CDH8: variants seen among roughly 807,000 people sequenced by gnomAD.
CDH8 encodes cadherin 8, also known as cadherin-8.
Under a neutral mutation model 68.1 loss-of-function variants are expected in CDH8, and 17 were observed. The ratio of observed to expected loss-of-function variants is 0.25; its 90% confidence interval spans 0.17 to 0.37. The LOEUF (loss-of-function observed/expected upper bound fraction) is 0.37, where lower values mean the gene tolerates loss of function less well. Among genes scored for constraint, CDH8 ranks in the 10% least tolerant of loss-of-function variants. The probability of loss-of-function intolerance (pLI) is 1.00; values close to 1 mark genes in which losing one functional copy is unlikely to be tolerated. For synonymous variants in CDH8, 372 were observed against 365.1 expected (o/e 1.02, Z -0.21); for missense variants, 763 against 999.3 (o/e 0.76, Z 3.19).
At chr16:61,933,354 C>T (rs868189751) in intron 2 of CDH8, among the ~76,000 whole-genome samples, 1 of 152,080 alleles carries the variant, frequency 6.6e-6, no homozygotes, top group African/African-American at 2.4e-5. Flanking sequence ...TATTATGCTG[C>T]GGGCATAGAT....
At chr16:61,760,373 G>A (rs188964212) in intron 8 of CDH8, among the ~76,000 whole-genome samples, 8 of 151,436 alleles carry the variant, frequency 5.3e-5, no homozygotes, top group African/African-American at 9.7e-5. Flanking sequence ...GTGCAGTGGC[G>A]CAATCTCGGG....
rs1275665793 is a variant in CDH8 at position 61,652,250 on chromosome 16, T to A, written c.*1358A>T. On this transcript the variant is annotated 3_prime_UTR_variant, in exon 12 of 12. Coordinates refer to ENST00000577390, the MANE Select transcript of CDH8 (RefSeq NM_001796.5). ...TTTGGAGTCTAAGACATTCTGTGCATCACCATGAAGATCAGGGATAGGAGT... is the reference window on the plus strand; with the variant it reads ...TTTGGAGTCTAAGACATTCTGTGCAACACCATGAAGATCAGGGATAGGAGT... 1.2e-5 allele frequency: 12 copies of A among 984,614 alleles called. No individual in the cohort carries two copies. The highest frequency in any genetic ancestry group is 1.3e-5 in the Non-Finnish European group (11 of 829,242). 61.0% of individuals were successfully genotyped at this position (984,614 alleles called of 1,614,324 possible). A position where few individuals can be genotyped will look rare whatever the true frequency, so the allele number is the denominator to read the frequency against.
intron 3 of CDH8, among the ~76,000 whole-genome samples, chr16:61,887,761 G>A (rs775943792): frequency 6.6e-6 from 1 of 151,918 alleles, no homozygotes. Context: ...CAAACCCACT[G>A]TATTTACATT....
At chr16:61,709,206 G>T (rs1964584757) in intron 10 of CDH8, among the ~76,000 whole-genome samples, 1 of 151,988 alleles carries the variant, frequency 6.6e-6, no homozygotes, top group Admixed American at 6.6e-5. Flanking sequence ...CAGAACTTAA[G>T]GAAGACTCAG....
chr16:61,832,345 T>C (rs759489540), intron 4 of CDH8, among the ~76,000 whole-genome samples: 1 of 147,222 alleles, frequency 6.8e-6, no homozygotes, highest in African/African-American at 2.6e-5. Flanking sequence ...GATAGATAGA[T>C]AGATAGATAG....
At position 61,960,411 on chromosome 16, in the gene CDH8, A is replaced by ATG. The variant is rs1215254936; in HGVS notation, c.253-58940_253-58939dup. ...TGTATACACATACATATATACATATATGTGTGTGTGTATACACATACATAT... is the reference window on the plus strand; with the variant it reads ...TGTATACACATACATATATACATATATGTGTGTGTGTGTATACACATACATAT... On this transcript the variant is annotated intron_variant, in intron 2 of 11. Coordinates refer to ENST00000577390, the MANE Select transcript of CDH8 (RefSeq NM_001796.5). 2.5e-5 allele frequency among the ~76,000 whole-genome samples: 2 copies of ATG among 80,626 alleles called. 1 individual carries two copies. Among genetic ancestry groups the ATG allele is most frequent in the Non-Finnish European group, 4.8e-5 (2 of 41,380 alleles). 52.9% of individuals were successfully genotyped at this position (80,626 alleles called of 152,430 possible). A position where few individuals can be genotyped will look rare whatever the true frequency, so the allele number is the denominator to read the frequency against.
At chr16:61,741,914 T>C (rs572167370) in intron 8 of CDH8, among the ~76,000 whole-genome samples, 2 of 152,226 alleles carry the variant, frequency 1.3e-5, no homozygotes, top group East Asian at 1.9e-4. Context: ...CACAGAAATT[T>C]TGGAATGTAT....
intron 9 of CDH8, chr16:61,725,386 G>A: frequency 6.6e-6 from 1 of 150,810 alleles, no homozygotes; most frequent in East Asian, 2.0e-4. Context: ...AGCCAATGTT[G>A]AGTTTTTGAA....
intron 3 of CDH8, among the ~76,000 whole-genome samples, chr16:61,858,151 G>C (rs1963082434): frequency 6.6e-6 from 1 of 152,008 alleles, no homozygotes; most frequent in African/African-American, 2.4e-5. Flanking sequence ...GGAATAAGAG[G>C]AGGAAGGGTC....
At chr16:62,034,504 C>G (rs1463198793) in intron 1 of CDH8, among the ~76,000 whole-genome samples, 3 of 152,042 alleles carry the variant, frequency 2.0e-5, no homozygotes, top group African/African-American at 4.8e-5. Flanking sequence ...AGAGAACAGG[C>G]GCTTCAAAAG....
In CDH8 at chr16:61,700,278, G is replaced by T. The variant is rs866522479; in HGVS notation, c.1654+13563C>A. ...TCATATATTAGATCTATTTTTAGTT[G>T]TTTTTTTTTTTTTTTCTTTTGAGAC... On this transcript the variant is annotated intron_variant, in intron 10 of 11. Coordinates refer to ENST00000577390, the MANE Select transcript of CDH8 (RefSeq NM_001796.5). Among the ~76,000 whole-genome samples the T allele has an allele frequency of 5.5e-3, 753 of 136,514 alleles. 3 individuals carry two copies. Among genetic ancestry groups the T allele is most frequent in the Non-Finnish European group, 8.5e-3 (536 of 63,024 alleles). 89.6% of individuals were successfully genotyped at this position (136,514 alleles called of 152,430 possible).
chr16:61,724,559 T>C (rs149926684), intron 9 of CDH8, among the ~76,000 whole-genome samples: 60 of 150,828 alleles, frequency 4.0e-4, no homozygotes, highest in African/African-American at 1.4e-3. Flanking sequence ...CCCAGGAAGC[T>C]GATCCCCTGA....
chr16:61,740,016 TC>T (rs1959821830), intron 8 of CDH8, among the ~76,000 whole-genome samples: 1 of 150,988 alleles, frequency 6.6e-6, no homozygotes, highest in Non-Finnish European at 1.5e-5. Context: ...CAAGTGATTC[TC>T]CCGCCTCAGC....
chr16:61,948,722 C>G (rs964760820), intron 2 of CDH8, among the ~76,000 whole-genome samples: 2 of 152,080 alleles, frequency 1.3e-5, no homozygotes, highest in Admixed American at 1.3e-4. Flanking sequence ...ATGCTAAAGA[C>G]GAGAGTATAT....
chr16:61,801,299 C>G (rs768258921), intron 7 of CDH8, among the ~76,000 whole-genome samples: 6 of 152,192 alleles, frequency 3.9e-5, no homozygotes, highest in Admixed American at 1.3e-4. Context: ...GGCAACTTAA[C>G]TTGCCACTAT....
rs573263765 is a variant in CDH8, at chr16:61,933,244, T to A, written c.253-31771A>T. Reference sequence around the variant, plus strand: ...AAGAGAATCAATATTATTCGAAGTGTTTCAGAAATTAGAGTAAGTCCAGTA... The same window carrying A: ...AAGAGAATCAATATTATTCGAAGTGATTCAGAAATTAGAGTAAGTCCAGTA... On this transcript the variant is annotated intron_variant, in intron 2 of 11. Coordinates refer to ENST00000577390, the MANE Select transcript of CDH8 (RefSeq NM_001796.5). Among the ~76,000 whole-genome samples, 5 of 152,320 alleles carry A rather than the reference T, an allele frequency of 3.3e-5. No homozygotes were observed. In the East Asian group the frequency reaches 9.7e-4, roughly 29 times the overall value.
At chr16:61,884,981 A>G (rs1273428768) in intron 3 of CDH8, among the ~76,000 whole-genome samples, 2 of 152,182 alleles carry the variant, frequency 1.3e-5, no homozygotes, top group African/African-American at 2.4e-5. Flanking sequence ...CAGAAGGAAA[A>G]AAAAGGAGGG....
chr16:62,001,778 G>C (rs549234396), intron 2 of CDH8, among the ~76,000 whole-genome samples: 1 of 152,024 alleles, frequency 6.6e-6, no homozygotes, highest in African/African-American at 2.4e-5. Context: ...CCATTAACTC[G>C]TCATTTAACA....
intron 8 of CDH8, among the ~76,000 whole-genome samples, chr16:61,775,794 A>G (rs927204434): frequency 6.6e-6 from 1 of 152,110 alleles, no homozygotes; most frequent in African/African-American, 2.4e-5. Flanking sequence ...ATATGGTCCC[A>G]TATAAGCCAT....
Sources: allele counts gnomAD v4.1 joint callset (sites outside exome capture counted in the v4.1 genomes callset), GRCh38; gene constraint gnomAD v4.1.1; transcripts MANE v1.5; gene names NCBI Gene and HGNC (gene_info 2026-07-23, HGNC 2026-07-21).